MORN1: variants seen among roughly 807,000 people sequenced by gnomAD.
MORN1 encodes MORN repeat-containing protein 1.
A neutral mutation model predicts 61.9 loss-of-function variants in MORN1; 67 were observed. That is an observed-to-expected ratio of 1.08 (90% CI 0.89 to 1.33). The LOEUF is 1.33. MORN1 is among the 40% of genes most tolerant of loss of function. The pLI is 0.00. For synonymous variants in MORN1, 301 were observed against 292.0 expected (o/e 1.03, Z -0.31); for missense variants, 752 against 691.2 (o/e 1.09, Z -0.99).
intron 13 of MORN1, chr1:2,323,778 C>T (rs2100215859): frequency 1.0e-6 from 1 of 985,364 alleles, no homozygotes; most frequent in Non-Finnish European, 1.2e-6. Flanking sequence ...CCCCTCGGCT[C>T]CCCTTGGACC....
chr1:2,330,864 C>T (rs1641133223), intron 12 of MORN1, among the ~76,000 whole-genome samples: 1 of 152,232 alleles, frequency 6.6e-6, no homozygotes, highest in Admixed American at 6.5e-5. Context: ...CTGTGGAATT[C>T]TCCTGTGTGG....
At chr1:2,391,194 T>G (rs1039980355) in intron 1 of MORN1, among the ~76,000 whole-genome samples, 1 of 152,082 alleles carries the variant, frequency 6.6e-6, no homozygotes, top group Admixed American at 6.5e-5. Context: ...AACCCGGTCT[T>G]CCCGGCTAGG....
chr1:2,321,622 C>T (rs1317361988), intron 13 of MORN1, 43 bp from the exon 14 acceptor site: 1 of 1,435,496 alleles, frequency 7.0e-7, no homozygotes, highest in African/African-American at 1.5e-5. Flanking sequence ...GCTCCTGTCC[C>T]TTCCCCTCCC....
intron 10 of MORN1, chr1:2,351,017 A>G (rs1641632774): frequency 1.3e-5 from 2 of 152,328 alleles, no homozygotes; most frequent in Non-Finnish European, 2.9e-5. Flanking sequence ...AGAACATTCC[A>G]GTTTGTGTTT....
intron 10 of MORN1, among the ~76,000 whole-genome samples, chr1:2,354,106 G>A (rs1334114782): frequency 1.3e-5 from 2 of 152,068 alleles, no homozygotes; most frequent in Admixed American, 6.6e-5. Flanking sequence ...CCAACACGGC[G>A]AAACCCCATC....
At chr1:2,346,830 A>C (rs1213233470) in intron 10 of MORN1, among the ~76,000 whole-genome samples, 1 of 152,164 alleles carries the variant, frequency 6.6e-6, no homozygotes, top group East Asian at 1.9e-4. Flanking sequence ...CCTGCCGGTC[A>C]CCCCTGCTGG....
intron 7 of MORN1, among the ~76,000 whole-genome samples, 157 bp downstream of exon 7, chr1:2,374,304 C>T (rs935752899): frequency 1.3e-5 from 2 of 152,192 alleles, no homozygotes; most frequent in African/African-American, 2.4e-5. Context: ...CAGATTAGAA[C>T]ATGTTTTTCC....
intron 6 of MORN1, among the ~76,000 whole-genome samples, chr1:2,382,964 C>T (rs1182621416): frequency 6.6e-6 from 1 of 152,114 alleles, no homozygotes; most frequent in Non-Finnish European, 1.5e-5. Flanking sequence ...CACACTGCAC[C>T]TCCCGCCTGA....
chr1:2,385,556 G>T, intron 5 of MORN1: 1 of 348,056 alleles, frequency 2.9e-6, no homozygotes, highest in Non-Finnish European at 5.3e-6. Flanking sequence ...AATCGGGGGG[G>T]GGGGGGATGT....
At position 2,331,823 on chromosome 1, in the gene MORN1, G is replaced by A. The variant is rs531822242; in HGVS notation, c.1250+4646C>T. Among the ~76,000 whole-genome samples, 87 of 141,214 alleles carry A rather than the reference G, an allele frequency of 6.2e-4. No homozygotes were observed. The East Asian group carries it at 0.016, about 26-fold the overall frequency. The allele number at this position is 141,214 out of a possible 152,430, so 92.6% of individuals were successfully genotyped here. A position where few individuals can be genotyped will look rare whatever the true frequency, so the allele number is the denominator to read the frequency against. ...CTCCCGCGGCTGCGCCTCTCCCGCC[G>A]CTGCGCCTCTCCCTCGTGCGGCTCT... On this transcript the variant is annotated intron_variant, in intron 12 of 13. Transcript: ENST00000378531.
In MORN1 at chr1:2,321,320, A is replaced by G. The variant is rs35513983; in HGVS notation, c.*63T>C. The G allele has an allele frequency of 0.34, 416,266 of 1,211,974 alleles. 75,322 individuals are homozygous for G. The highest frequency in any genetic ancestry group is 0.6 in the African/African-American group (37,804 of 63,492). 75.1% of individuals were successfully genotyped at this position (1,211,974 alleles called of 1,614,324 possible). A position where few individuals can be genotyped will look rare whatever the true frequency, so the allele number is the denominator to read the frequency against. On this transcript the variant is annotated 3_prime_UTR_variant, in exon 14 of 14. Coordinates refer to ENST00000378531, the MANE Select transcript of MORN1 (RefSeq NM_024848.3). Reference sequence around the variant, plus strand: ...CTCTGGAGAATCGGGGAGCAGAGTCACGCAAGCAGAGGCAGCGTTTCCTTC... The same window carrying G: ...CTCTGGAGAATCGGGGAGCAGAGTCGCGCAAGCAGAGGCAGCGTTTCCTTC...
chr1:2,323,669 G>A, intron 13 of MORN1: 2 of 985,204 alleles, frequency 2.0e-6, no homozygotes, highest in Non-Finnish European at 2.4e-6. Flanking sequence ...CCCCCACGCT[G>A]GGAGGAGCCT....
At position 2,324,251 on chromosome 1, in the gene MORN1, C is replaced by T. The variant is rs1261554147; in HGVS notation, c.1251-108G>A. ...TGGCTCCAGGGCAGATTCAGGGCCCCAGCACAGCAGAGGCCTGCGAACCCC... is the reference window on the plus strand; with the variant it reads ...TGGCTCCAGGGCAGATTCAGGGCCCTAGCACAGCAGAGGCCTGCGAACCCC... On this transcript the variant is annotated intron_variant, in intron 12 of 13. Coordinates refer to ENST00000378531, the MANE Select transcript of MORN1 (RefSeq NM_024848.3). The T allele has an allele frequency of 2.5e-6, 3 of 1,205,834 alleles. No homozygotes were observed. In the Middle Eastern group the frequency reaches 6.7e-4, roughly 270 times the overall value. 74.7% of individuals were successfully genotyped at this position (1,205,834 alleles called of 1,614,324 possible). A position where few individuals can be genotyped will look rare whatever the true frequency, so the allele number is the denominator to read the frequency against.
chr1:2,332,815 G>T (rs1557869038), intron 12 of MORN1: 11 of 437,746 alleles, frequency 2.5e-5, no homozygotes, highest in Non-Finnish European at 4.6e-5. Flanking sequence ...GAGACGAGGG[G>T]AGAAGCCGGA....
rs780907384 is a variant in MORN1 at position 2,321,490 on chromosome 1, C to G, written c.1387G>C (p.Ala463Pro). 5 of 1,528,198 alleles carry G rather than the reference C, an allele frequency of 3.3e-6. No individual in the cohort carries two copies. The South Asian group carries it at 6.2e-5, about 19-fold the overall frequency. The allele number at this position is 1,528,198 out of a possible 1,614,324, so 94.7% of individuals were successfully genotyped here. The stretch of plus-strand genomic sequence containing the variant: ...TGGGGTGGCTGGCCAGCCCTCTTCG[C>G]TACGACCCGCAGGTGTTTGAAGGCC... The part of the protein sequence containing the change: ...PPAFKHLRVV[A>P]KRAGQPPHVL... Residue 463 changes from alanine (A) to proline (P), a missense_variant, in exon 14 of 14, where the codon GCG becomes CCG. By Grantham distance (27) the Ala-to-Pro change is conservative. Transcript: ENST00000378531.
intron 2 of MORN1, 125 bp downstream of exon 2, chr1:2,389,800 C>T: frequency 1.2e-6 from 1 of 822,558 alleles, no homozygotes; most frequent in Non-Finnish European, 2.0e-6. Flanking sequence ...GCCAGGGAAG[C>T]ACCAGGGTAC....
chr1:2,386,198 C>A (rs571275186), intron 4 of MORN1: 9 of 390,696 alleles, frequency 2.3e-5, no homozygotes, highest in South Asian at 1.9e-4. Flanking sequence ...AGGGGCCCTG[C>A]GGACTGCCAT....
chr1:2,334,690 C>T lies in MORN1; in HGVS notation c.1250+1779G>A, dbSNP rs970746637. Among the ~76,000 whole-genome samples the T allele has an allele frequency of 1.6e-4, 24 of 152,220 alleles. No individual in the cohort carries two copies. The highest frequency in any genetic ancestry group is 4.8e-4 in the African/African-American group (20 of 41,452). On this transcript the variant is annotated intron_variant, in intron 12 of 13. Transcript: ENST00000378531. This position sits in a 1 kb window ranked among gnomAD's most constrained non-coding sequence, Gnocchi z 5.4. ...TTGAACACTGAACACTCCGACTCCG[C>T]GGCCAGGTCGTCCTGGGATTGAAAC...
At chr1:2,345,556 G>T (rs760146312) in intron 10 of MORN1, among the ~76,000 whole-genome samples, 1 of 152,210 alleles carries the variant, frequency 6.6e-6, no homozygotes, top group African/African-American at 2.4e-5. Flanking sequence ...CCCAGCACCT[G>T]CCCCTCGCCA....
Sources: gnomAD v4.1 joint callset for allele counts (sites outside exome capture counted in the v4.1 genomes callset) on GRCh38, gnomAD v4.1.1 for gene constraint, Gnocchi (gnomAD v3.1) non-coding constraint, MANE v1.5 for transcripts, NCBI Gene and HGNC (gene_info 2026-07-23, HGNC 2026-07-21) for gene names.